Variants in ELMOD2 observed in about 807,000 individuals in gnomAD.
The protein encoded by ELMOD2 is ELMO domain containing 2.
Under a neutral mutation model 41.0 loss-of-function variants are expected in ELMOD2, and 28 were observed. The observed-to-expected ratio is 0.68, with a 90% CI of 0.51 to 0.94. The LOEUF (loss-of-function observed/expected upper bound fraction) is 0.94. Among genes scored for constraint, ELMOD2 ranks in the 40% least tolerant of loss-of-function variants. The pLI is 0.00. For synonymous variants in ELMOD2, 106 were observed against 107.2 expected (o/e 0.99, Z 0.07); for missense variants, 333 against 343.1 (o/e 0.97, Z 0.23).
chr4:140,537,932 G>A (rs1212267440), intron 5 of ELMOD2, among the ~76,000 whole-genome samples: 1 of 151,712 alleles, frequency 6.6e-6, no homozygotes, highest in Non-Finnish European at 1.5e-5. Flanking sequence ...CATTTTTTCA[G>A]CTACTTACAA....
At chr4:140,549,205 T>C (rs1331889247) in intron 8 of ELMOD2, among the ~76,000 whole-genome samples, 3 of 152,220 alleles carry the variant, frequency 2.0e-5, no homozygotes, top group Non-Finnish European at 4.4e-5. Context: ...TATTAATAGC[T>C]TTTTTATTTG....
At chr4:140,533,821 T>C (rs932736393) in intron 3 of ELMOD2, among the ~76,000 whole-genome samples, 2 of 152,022 alleles carry the variant, frequency 1.3e-5, no homozygotes, top group Non-Finnish European at 2.9e-5. Context: ...CAAAAGTGTA[T>C]ATATACGTGT....
rs1245887156 is a variant in ELMOD2 at position 140,553,415 on chromosome 4, C to A, written c.*3040C>A. On this transcript the variant is annotated 3_prime_UTR_variant, in exon 9 of 9. Transcript: ENST00000323570. ...TACTTTCCATTTTCATATTTATACACCTCTCTACAAAAGCAATTTTTAATG... is the reference window on the plus strand; with the variant it reads ...TACTTTCCATTTTCATATTTATACAACTCTCTACAAAAGCAATTTTTAATG... 6.6e-6 allele frequency: 1 copy of A among 152,060 alleles called. No homozygotes were observed. The highest frequency in any genetic ancestry group is 1.5e-5 in the Non-Finnish European group (1 of 67,984). The allele number at this position is 152,060 out of a possible 1,614,324, so 9.4% of individuals were successfully genotyped here.
rs1734529761 is a variant in ELMOD2, at chr4:140,525,439, C to A, written c.11C>A (p.Ser4Tyr). 6.2e-7 allele frequency: 1 copy of A among 1,613,042 alleles called. No individual in the cohort carries two copies. The highest frequency in any genetic ancestry group is 8.5e-7 in the Non-Finnish European group (1 of 1,179,630). Residue 4 changes from serine (S) to tyrosine (Y), a missense_variant, in exon 2 of 9, where the codon TCT (serine) becomes TAT (tyrosine). Physicochemically the swap from Ser to Tyr is moderately radical, Grantham distance 144. Coordinates refer to ENST00000323570, the MANE Select transcript of ELMOD2 (RefSeq NM_153702.4). ...CTCCAGGAAAAAAAAATGTTTATTT[C>A]TTTGTGGGAGTTCTTCTATGGGCAC... Reference protein sequence around the residue: MFISLWEFFYGHFF... With the variant: MFIYLWEFFYGHFF...
chr4:140,542,690 A>G, intron 7 of ELMOD2, 48 bp downstream of exon 7: 2 of 1,333,008 alleles, frequency 1.5e-6, no homozygotes, highest in Admixed American at 2.1e-5. Flanking sequence ...ATTTATAATG[A>G]TTAGATGATT....
chr4:140,543,796 T>TA, intron 8 of ELMOD2, among the ~76,000 whole-genome samples: 1 of 152,246 alleles, frequency 6.6e-6, no homozygotes, highest in Admixed American at 6.5e-5. Context: ...TTGCTGATTA[T>TA]AAAAGGCAAT....
intron 3 of ELMOD2, among the ~76,000 whole-genome samples, chr4:140,531,387 T>C (rs751081887): frequency 2.6e-5 from 4 of 152,212 alleles, no homozygotes; most frequent in Non-Finnish European, 4.4e-5. Context: ...TAATGACTTA[T>C]TCGAATTTGA....
In ELMOD2 at chr4:140,551,998, G is replaced by T. The variant is rs1735482981; in HGVS notation, c.*1623G>T. On this transcript the variant is annotated 3_prime_UTR_variant, in exon 9 of 9. Transcript: ENST00000323570. ...ACAGGAATTTAAAAATTGGTTTCTT[G>T]TAGGGGACATCTCAACTTTGGGAAT... 1 of 152,028 alleles carries T rather than the reference G, an allele frequency of 6.6e-6. No homozygotes were observed. The highest frequency in any genetic ancestry group is 1.5e-5 in the Non-Finnish European group (1 of 67,900). The allele number at this position is 152,028 out of a possible 1,614,324, so 9.4% of individuals were successfully genotyped here. A position where few individuals can be genotyped will look rare whatever the true frequency, so the allele number is the denominator to read the frequency against.
At chr4:140,539,818 A>T (rs1173000258) in intron 5 of ELMOD2, among the ~76,000 whole-genome samples, 2 of 152,186 alleles carry the variant, frequency 1.3e-5, no homozygotes, top group Non-Finnish European at 2.9e-5. Context: ...CCACCATTAT[A>T]ATAGAGCCTA....
intron 3 of ELMOD2, among the ~76,000 whole-genome samples, chr4:140,532,594 A>T (rs1003838810): frequency 6.6e-5 from 10 of 152,212 alleles, no homozygotes; most frequent in Non-Finnish European, 1.3e-4. Flanking sequence ...ATTCATGATT[A>T]AAAAATCTCA....
intron 8 of ELMOD2, among the ~76,000 whole-genome samples, chr4:140,545,449 T>A (rs1578774333): frequency 6.6e-6 from 1 of 152,168 alleles, no homozygotes; most frequent in African/African-American, 2.4e-5. Flanking sequence ...AAAATGTATA[T>A]CTTCAGCCCA....
rs1734902013 is a variant in ELMOD2, at chr4:140,535,761, A to G, written c.200A>G (p.Gln67Arg). Residue 67 changes from glutamine (Q) to arginine (R), a missense_variant, in exon 4 of 9, where the codon CAG becomes CGG. Coordinates refer to ENST00000323570, the MANE Select transcript of ELMOD2 (RefSeq NM_153702.4). ...KVLQKATHVV[Q>R]SEVDKYVDDI... ...TTACAGAAGGCGACACATGTTGTTC[A>G]GAGTGAAGTGGACAAATATGTAGAT... is the stretch of plus-strand genomic sequence containing the variant. 6.8e-6 allele frequency: 11 copies of G among 1,611,320 alleles called. No individual in the cohort carries two copies. Among genetic ancestry groups the G allele is most frequent in the African/African-American group, 1.3e-5 (1 of 74,774 alleles).
intron 3 of ELMOD2, among the ~76,000 whole-genome samples, chr4:140,529,263 C>G (rs569095715): frequency 6.6e-6 from 1 of 152,280 alleles, no homozygotes; most frequent in African/African-American, 2.4e-5. Flanking sequence ...TGGATCATAA[C>G]TGCTTTAACT....
rs748373814 is a variant in ELMOD2 at position 140,550,395 on chromosome 4, A to G, written c.*20A>G. The G allele has an allele frequency of 5.1e-6, 8 of 1,574,902 alleles. No homozygotes were observed. Among genetic ancestry groups the G allele is most frequent in the South Asian group, 3.5e-5 (3 of 84,942 alleles). ...GTATAAATCATCCACTGTATCTTCT[A>G]TTTCTACCACATTTTGCACATTCAA... On this transcript the variant is annotated 3_prime_UTR_variant, in exon 9 of 9. Coordinates refer to ENST00000323570, the MANE Select transcript of ELMOD2 (RefSeq NM_153702.4).
chr4:140,529,538 C>T (rs1439200303), intron 3 of ELMOD2, among the ~76,000 whole-genome samples: 1 of 152,180 alleles, frequency 6.6e-6, no homozygotes, highest in Non-Finnish European at 1.5e-5. Context: ...ACTGCCATTG[C>T]TGTCCACTAA....
chr4:140,544,400 G>A (rs2321273), intron 8 of ELMOD2, among the ~76,000 whole-genome samples: 6 of 152,012 alleles, frequency 3.9e-5, no homozygotes, highest in African/African-American at 1.4e-4. Flanking sequence ...GCATGTGTCT[G>A]TTTCTTTCTA....
At position 140,527,332 on chromosome 4, in the gene ELMOD2, T is replaced by C. The variant is rs1247257247; in HGVS notation, c.143-134T>C. ...TAAGATTAAATTTTAAAATGCTTCC[T>C]GTTATATAGAAATTATATCTCCTGG... On this transcript the variant is annotated intron_variant, in intron 2 of 8. Coordinates refer to ENST00000323570, the MANE Select transcript of ELMOD2 (RefSeq NM_153702.4). The C allele has an allele frequency of 9.3e-6, 7 of 752,080 alleles. No homozygotes were observed. In the Admixed American group the frequency reaches 1.4e-4, roughly 15 times the overall value. 46.6% of individuals were successfully genotyped at this position (752,080 alleles called of 1,614,324 possible). A position where few individuals can be genotyped will look rare whatever the true frequency, so the allele number is the denominator to read the frequency against.
At chr4:140,542,699 TTTAATGAA>T (rs2110868525) in intron 7 of ELMOD2, 57 bp downstream of exon 7, 2 of 1,284,404 alleles carry the variant, frequency 1.6e-6, no homozygotes, top group East Asian at 4.8e-5. Context: ...GATTAGATGA[TTTAATGAA>T]TTTGAAGGTA....
intron 6 of ELMOD2, 33 bp from the exon 7 acceptor site, chr4:140,542,531 GAATGGCGTAC>G (rs2041068583): frequency 2.1e-6 from 3 of 1,438,640 alleles, no homozygotes; most frequent in South Asian, 2.4e-5. Flanking sequence ...TCTTACATTT[GAATGGCGTAC>G]ATTTGTTTGA....
Sources: gnomAD v4.1 joint callset for allele counts (sites outside exome capture counted in the v4.1 genomes callset) on GRCh38, gnomAD v4.1.1 for gene constraint, MANE v1.5 for transcripts, NCBI Gene and HGNC (gene_info 2026-07-23, HGNC 2026-07-21) for gene names.